ROBO1: variants seen among roughly 807,000 people sequenced by gnomAD.
The protein encoded by ROBO1 is roundabout homolog 1.
ROBO1 carries 149 observed loss-of-function variants against 195.9 expected under a neutral mutation model. The observed-to-expected ratio is 0.76, with a 90% CI of 0.67 to 0.87. The LOEUF is 0.87. Ranked by LOEUF, ROBO1 falls within the 40% of genes least tolerant of loss-of-function variation. The probability of loss-of-function intolerance (pLI) is 0.00; values close to 1 mark genes in which losing one functional copy is unlikely to be tolerated. For missense variants in ROBO1, 1,933 were observed against 2,068.3 expected (o/e 0.93, Z 1.27); for synonymous variants, 816 against 733.2 (o/e 1.11, Z -1.82).
At chr3:79,240,870 T>C (rs1441855826) in intron 2 of ROBO1, among the ~76,000 whole-genome samples, 1 of 152,094 alleles carries the variant, frequency 6.6e-6, no homozygotes, top group East Asian at 1.9e-4. Flanking sequence ...CTCAAACTCC[T>C]GGGTTCAAGT....
intron 23 of ROBO1, among the ~76,000 whole-genome samples, chr3:78,634,862 G>C (rs1705399231): frequency 6.6e-6 from 1 of 152,092 alleles, no homozygotes; most frequent in South Asian, 2.1e-4. Flanking sequence ...AAATTTTTAA[G>C]TTATATTTTT....
At chr3:79,143,254 G>C (rs1259486484) in intron 2 of ROBO1, among the ~76,000 whole-genome samples, 1 of 151,946 alleles carries the variant, frequency 6.6e-6, no homozygotes, top group African/African-American at 2.4e-5. Context: ...CTAACACCTG[G>C]TAACCAAATT....
intron 1 of ROBO1, among the ~76,000 whole-genome samples, chr3:79,636,068 T>C (rs1945486776): frequency 6.6e-6 from 1 of 152,134 alleles, no homozygotes; most frequent in Non-Finnish European, 1.5e-5. Context: ...TCTTAACTAA[T>C]TTAGAAATGG....
At chr3:78,676,214 G>C (rs1417271528) in intron 10 of ROBO1, among the ~76,000 whole-genome samples, 22 of 150,502 alleles carry the variant, frequency 1.5e-4, no homozygotes, top group South Asian at 4.2e-4. Context: ...GATAAAACCA[G>C]AAAGATGGGG....
At chr3:79,445,504 CGTTTT>C (rs2039218387) in intron 2 of ROBO1, among the ~76,000 whole-genome samples, 1 of 38,144 alleles carries the variant, frequency 2.6e-5, no homozygotes, top group African/African-American at 1.0e-4. Flanking sequence ...TTTTTTTTGG[CGTTTT>C]GTTTTATTGA....
chr3:79,103,454 T>G (rs2079716224), intron 3 of ROBO1, among the ~76,000 whole-genome samples: 1 of 151,840 alleles, frequency 6.6e-6, no homozygotes, highest in South Asian at 2.1e-4. Flanking sequence ...AAGTAATTAC[T>G]GTAATAAACA....
intron 5 of ROBO1, among the ~76,000 whole-genome samples, chr3:78,743,096 T>C (rs2082572203): frequency 6.6e-6 from 1 of 152,128 alleles, no homozygotes. Context: ...ACCTTTAAAA[T>C]TAACTGAGAT....
chr3:79,538,691 T>C (rs2107634893), intron 2 of ROBO1, among the ~76,000 whole-genome samples: 1 of 152,278 alleles, frequency 6.6e-6, no homozygotes, highest in South Asian at 2.1e-4. Flanking sequence ...ATTTATATGA[T>C]TGTTTTCTAT....
At position 78,659,708 on chromosome 3, in the gene ROBO1, T is replaced by C. The variant is rs770033122; in HGVS notation, c.2420A>G (p.Asn807Ser). ...SWQPPPEDTQ[N>S]GMVQEYKVWC... ...TACCTTATACTCTTGGACCATTCCA[T>C]TTTGAGTGTCTTCTGGAGGTGGCTG... The change falls in exon 17 of 31, where the codon AAT (asparagine) becomes AGT (serine). Residue 807 changes from asparagine to serine, a missense_variant. Around this residue, in one of 3 missense-constraint regions of ROBO1, gnomAD observed 1,737 missense variants for 1,882.5 expected, o/e 0.92. Transcript: ENST00000464233. 6.4e-7 allele frequency: 1 copy of C among 1,556,404 alleles called. No individual in the cohort carries two copies. Among genetic ancestry groups the C allele is most frequent in the South Asian group, 1.2e-5 (1 of 84,462 alleles).
chr3:79,754,043 C>T (rs1502311), intron 1 of ROBO1, among the ~76,000 whole-genome samples: 48,614 of 151,862 alleles, frequency 0.32, 9,283 homozygotes, highest in Middle Eastern at 0.52. Flanking sequence ...TCTAAGGATA[C>T]AAGGAAATAC....
chr3:79,437,207 C>T (rs1287314609), intron 2 of ROBO1, among the ~76,000 whole-genome samples: 1 of 151,848 alleles, frequency 6.6e-6, no homozygotes, highest in Non-Finnish European at 1.5e-5. Flanking sequence ...TTCAACTTTA[C>T]CAAGAAAGCA....
chr3:78,891,807 A>G (rs1326628390), intron 4 of ROBO1, among the ~76,000 whole-genome samples: 2 of 152,244 alleles, frequency 1.3e-5, no homozygotes, highest in African/African-American at 2.4e-5. Flanking sequence ...ATGAATTTCA[A>G]AACGTGTTAA....
intron 1 of ROBO1, among the ~76,000 whole-genome samples, chr3:79,619,228 C>T (rs1189951958): frequency 1.3e-5 from 2 of 152,154 alleles, no homozygotes; most frequent in East Asian, 1.9e-4. Flanking sequence ...ACTGCTTTGG[C>T]TGCACACCCA....
At chr3:79,116,339 T>C (rs1026596061) in intron 3 of ROBO1, among the ~76,000 whole-genome samples, 2 of 151,140 alleles carry the variant, frequency 1.3e-5, no homozygotes, top group African/African-American at 2.4e-5. Context: ...TTCTTTTCCT[T>C]TCTTTCTTTT....
chr3:79,274,941 T>C (rs2030902001), intron 2 of ROBO1, among the ~76,000 whole-genome samples: 1 of 151,822 alleles, frequency 6.6e-6, no homozygotes, highest in Admixed American at 6.6e-5. Context: ...TATGAAGAAA[T>C]CTAAAGCATA....
At chr3:79,634,343 C>T (rs1945434352) in intron 1 of ROBO1, among the ~76,000 whole-genome samples, 1 of 152,024 alleles carries the variant, frequency 6.6e-6, no homozygotes, top group African/African-American at 2.4e-5. Flanking sequence ...CATGCAGCTT[C>T]CAGGATTTGA....
chr3:79,709,160 A>G (rs1049800474), intron 1 of ROBO1, among the ~76,000 whole-genome samples: 2 of 152,172 alleles, frequency 1.3e-5, no homozygotes, highest in Non-Finnish European at 2.9e-5. Context: ...GTGTAAACAA[A>G]CATTCATGAC....
chr3:78,688,798 C>T (rs766140847), intron 8 of ROBO1, 26 bp from the exon 9 acceptor site: 24 of 1,592,726 alleles, frequency 1.5e-5, no homozygotes, highest in East Asian at 2.3e-5. Context: ...CAAATTACAC[C>T]GAATTAAAAG....
intron 2 of ROBO1, among the ~76,000 whole-genome samples, chr3:79,556,023 G>T (rs1312237875): frequency 6.6e-6 from 1 of 151,974 alleles, no homozygotes; most frequent in Non-Finnish European, 1.5e-5. Flanking sequence ...TAATATTATT[G>T]TTTGATGAAT....
Sources: gnomAD v4.1 joint callset for allele counts (sites outside exome capture counted in the v4.1 genomes callset) on GRCh38, gnomAD v4.1.1 for gene constraint, gnomAD v4.1.1 regional missense constraint, MANE v1.5 for transcripts, NCBI Gene and HGNC (gene_info 2026-07-23, HGNC 2026-07-21) for gene names.